SNTG1: variants seen among roughly 807,000 people sequenced by gnomAD.
SNTG1 encodes the protein syntrophin gamma 1.
Under a neutral mutation model 74.7 loss-of-function variants are expected in SNTG1, and 39 were observed. That is an observed-to-expected ratio of 0.52 (90% CI 0.40 to 0.68). The LOEUF is 0.68. Ranked by LOEUF, SNTG1 falls within the 30% of genes least tolerant of loss-of-function variation. SNTG1 has a pLI of 0.00. For synonymous variants in SNTG1, 254 were observed against 217.1 expected (o/e 1.17, Z -1.49); for missense variants, 685 against 609.5 (o/e 1.12, Z -1.30).
At chr8:50,383,787 T>C (rs770534370) in intron 2 of SNTG1, among the ~76,000 whole-genome samples, 6 of 152,178 alleles carry the variant, frequency 3.9e-5, no homozygotes, top group Non-Finnish European at 8.8e-5. Flanking sequence ...GTGCATACTC[T>C]TCCTGACCTC....
chr8:49,935,038 G>A lies in SNTG1; in HGVS notation c.-103+22807G>A, dbSNP rs544692174. Among the ~76,000 whole-genome samples, 19 of 152,094 alleles carry A rather than the reference G, an allele frequency of 1.2e-4. No homozygotes were observed. The South Asian group carries it at 3.3e-3, about 27-fold the overall frequency. On this transcript the variant is annotated intron_variant, in intron 1 of 18. Coordinates refer to ENST00000642720, the MANE Select transcript of SNTG1 (RefSeq NM_018967.5). ...AGCACCAGTAAGTTTAAGCCATCCC[G>A]TACCATAAAGGTTGAAGAAGGCAGA... is the stretch of plus-strand genomic sequence containing the variant.
At chr8:50,076,821 T>C (rs1821938763) in intron 1 of SNTG1, among the ~76,000 whole-genome samples, 1 of 152,186 alleles carries the variant, frequency 6.6e-6, no homozygotes, top group East Asian at 1.9e-4. Flanking sequence ...TTTAGAAGTT[T>C]AAATGAGTGG....
At chr8:50,221,304 T>C (rs1468059502) in intron 2 of SNTG1, among the ~76,000 whole-genome samples, 5 of 152,002 alleles carry the variant, frequency 3.3e-5, no homozygotes, top group South Asian at 4.1e-4. Flanking sequence ...TTAGTTTGAA[T>C]GTTAAGGAAT....
chr8:50,515,469 G>T (rs1161827276), intron 9 of SNTG1, among the ~76,000 whole-genome samples: 1 of 143,002 alleles, frequency 7.0e-6, no homozygotes, highest in Non-Finnish European at 1.5e-5. Flanking sequence ...CACTCCCCTG[G>T]AAAGGGGGCT....
chr8:50,335,653 G>C (rs2130904752), intron 2 of SNTG1, among the ~76,000 whole-genome samples: 1 of 152,058 alleles, frequency 6.6e-6, no homozygotes, highest in African/African-American at 2.4e-5. Flanking sequence ...CAATGGGAGG[G>C]AGTTCCTACT....
intron 1 of SNTG1, among the ~76,000 whole-genome samples, chr8:49,937,217 A>G (rs557272958): frequency 6.6e-6 from 1 of 152,284 alleles, no homozygotes; most frequent in Non-Finnish European, 1.5e-5. Flanking sequence ...AAACAAAGGG[A>G]AAAAAGAGTA....
chr8:50,600,041 C>G (rs566157107), intron 13 of SNTG1, among the ~76,000 whole-genome samples: 1 of 152,170 alleles, frequency 6.6e-6, no homozygotes, highest in South Asian at 2.1e-4. Context: ...AATGTTTTTA[C>G]AGCATCAATT....
At chr8:50,732,001 A>AGTATATTC (rs767266721) in intron 17 of SNTG1, among the ~76,000 whole-genome samples, 3 of 151,988 alleles carry the variant, frequency 2.0e-5, no homozygotes, top group Non-Finnish European at 4.4e-5. Flanking sequence ...CCTTCAGTTA[A>AGTATATTC]GTATATTCAT....
intron 1 of SNTG1, among the ~76,000 whole-genome samples, chr8:50,105,815 A>C (rs2080349588): frequency 6.6e-6 from 1 of 151,872 alleles, no homozygotes; most frequent in African/African-American, 2.4e-5. Flanking sequence ...TCGCATTCTG[A>C]ATTTGGCTTT....
chr8:50,470,525 T>G (rs1264269807), intron 8 of SNTG1, among the ~76,000 whole-genome samples: 4 of 152,146 alleles, frequency 2.6e-5, no homozygotes, highest in Non-Finnish European at 5.9e-5. Flanking sequence ...GTAGTGAGTG[T>G]TACAGCTCTT....
At chr8:50,238,357 T>C (rs115571477) in intron 2 of SNTG1, among the ~76,000 whole-genome samples, 1,611 of 152,272 alleles carry the variant, frequency 0.011, 28 homozygotes, top group African/African-American at 0.037. Flanking sequence ...AGCCATCTCA[T>C]CTTTGTCAAA....
Position 50,553,076 on chromosome 8 carries a change from T to A in SNTG1, c.707T>A (p.Val236Glu), listed in dbSNP as rs1241317655. 1 of 1,613,790 alleles carries A rather than the reference T, an allele frequency of 6.2e-7. No individual in the cohort carries two copies. The highest frequency in any genetic ancestry group is 8.5e-7 in the Non-Finnish European group (1 of 1,179,836). Residue 236 changes from valine (V) to glutamate (E), a missense_variant, in exon 12 of 19, where the codon GTG (valine) becomes GAG (glutamate). Coordinates refer to ENST00000642720, the MANE Select transcript of SNTG1 (RefSeq NM_018967.5). ...SRQNAFQVIA[V>E]DGVCTGIIQC... is the part of the protein sequence containing the mutation. Reference sequence around the variant, plus strand: ...CAGAATGCCTTTCAAGTCATTGCTGTGGATGGGGTCTGCACTGGGATTATT... The same window carrying A: ...CAGAATGCCTTTCAAGTCATTGCTGAGGATGGGGTCTGCACTGGGATTATT...
intron 2 of SNTG1, among the ~76,000 whole-genome samples, chr8:50,319,130 C>A (rs1279982957): frequency 6.6e-6 from 1 of 152,010 alleles, no homozygotes; most frequent in Admixed American, 6.6e-5. Flanking sequence ...AAAGCCAAGA[C>A]AAAGGCTCGA....
Position 49,915,166 on chromosome 8 carries a change from G to T in SNTG1, c.-103+2935G>T, listed in dbSNP as rs139576260. Reference sequence around the variant, plus strand: ...CTGAATTTTTCTTCCTTAAATTTGGGGATTCTTTACTTTTCAATGAAGACA... The same window carrying T: ...CTGAATTTTTCTTCCTTAAATTTGGTGATTCTTTACTTTTCAATGAAGACA... On this transcript the variant is annotated intron_variant, in intron 1 of 18. Transcript: ENST00000642720. The T allele has an allele frequency of 2.2e-4, 34 of 152,082 alleles. No individual in the cohort carries two copies. In the East Asian group the frequency reaches 3.1e-3, roughly 14 times the overall value. 9.4% of individuals were successfully genotyped at this position (152,082 alleles called of 1,614,324 possible). A position where few individuals can be genotyped will look rare whatever the true frequency, so the allele number is the denominator to read the frequency against.
intron 1 of SNTG1, among the ~76,000 whole-genome samples, chr8:49,912,781 A>G (rs1805694157): frequency 6.6e-6 from 1 of 152,174 alleles, no homozygotes; most frequent in African/African-American, 2.4e-5. Context: ...TCATATTTTT[A>G]CTTAGCACCC....
rs1385575302 is a variant in SNTG1 at position 49,957,399 on chromosome 8, GTTTATC to G, written c.-103+45174_-103+45179del. On this transcript the variant is annotated intron_variant, in intron 1 of 18. Transcript: ENST00000642720. ...AAATGTATTATTAACTACAGTTGTTGTTTATCTTTATGTTCCTTTACTTCATTATTG... is the reference window on the plus strand; with the variant it reads ...AAATGTATTATTAACTACAGTTGTTGTTTATGTTCCTTTACTTCATTATTG... Among the ~76,000 whole-genome samples the G allele has an allele frequency of 3.3e-5, 5 of 152,166 alleles. No individual in the cohort carries two copies. In the East Asian group the frequency reaches 9.6e-4, roughly 29 times the overall value.
intron 1 of SNTG1, among the ~76,000 whole-genome samples, chr8:50,105,609 G>T (rs1446822061): frequency 1.3e-5 from 2 of 151,872 alleles, no homozygotes; most frequent in African/African-American, 4.8e-5. Context: ...TATTTAATCT[G>T]TAAATTGCTT....
chr8:50,438,239 A>T (rs549982748), intron 4 of SNTG1, among the ~76,000 whole-genome samples: 3 of 152,216 alleles, frequency 2.0e-5, no homozygotes, highest in African/African-American at 7.2e-5. Context: ...ATGTGGAAAT[A>T]AGAAGAGGTA....
At position 50,406,798 on chromosome 8, in the gene SNTG1, A is replaced by G. The variant is rs190720760; in HGVS notation, c.162+4454A>G. On this transcript the variant is annotated intron_variant, in intron 4 of 18. Coordinates refer to ENST00000642720, the MANE Select transcript of SNTG1 (RefSeq NM_018967.5). The stretch of plus-strand genomic sequence containing the variant: ...TGCTTTTTCTGAATCAATTGAGATG[A>G]TCATGTGTGCTTTTTAATTTTTTTT... Among the ~76,000 whole-genome samples, 410 of 152,196 alleles carry G rather than the reference A, an allele frequency of 2.7e-3. 2 individuals carry two copies. The highest frequency in any genetic ancestry group is 9.3e-3 in the African/African-American group (388 of 41,544).
Sources: gnomAD v4.1 joint callset for allele counts (sites outside exome capture counted in the v4.1 genomes callset) on GRCh38, gnomAD v4.1.1 for gene constraint, MANE v1.5 for transcripts, NCBI Gene and HGNC (gene_info 2026-07-23, HGNC 2026-07-21) for gene names.